GALNT18: variants seen among roughly 807,000 people sequenced by gnomAD.
GALNT18 encodes the protein polypeptide N-acetylgalactosaminyltransferase 18.
Under a neutral mutation model 69.5 loss-of-function variants are expected in GALNT18, and 44 were observed. That is an observed-to-expected ratio of 0.63 (90% CI 0.50 to 0.81). GALNT18 has a LOEUF of 0.81. Ranked by LOEUF, GALNT18 falls within the 40% of genes least tolerant of loss-of-function variation. The probability of loss-of-function intolerance (pLI) is 0.00; values close to 1 mark genes in which losing one functional copy is unlikely to be tolerated. For synonymous variants in GALNT18, 364 were observed against 318.2 expected, an observed-to-expected ratio of 1.14 and a Z score of -1.53; for missense variants, 715 against 810.0, an observed-to-expected ratio of 0.88 and a Z score of 1.42.
chr11:11,557,266 TGGTG>T (rs1858354149), intron 1 of GALNT18, among the ~76,000 whole-genome samples: 1 of 152,294 alleles, frequency 6.6e-6, no homozygotes, highest in African/African-American at 2.4e-5. Flanking sequence ...TAAATGGTTA[TGGTG>T]GGTTTTTTAT....
In GALNT18 at chr11:11,383,276, T is replaced by C. The variant is rs997413174; in HGVS notation, c.596-4012A>G. ...CCTGGTCAAACAGAGCCCTTCTCCC[T>C]TCCTCATCTACCCCCTTCCACTGCT... On this transcript the variant is annotated intron_variant, in intron 3 of 10. Transcript: ENST00000227756. This position sits in a 1 kb window ranked among gnomAD's most constrained non-coding sequence, Gnocchi z 5.2. Among the ~76,000 whole-genome samples the C allele has an allele frequency of 6.6e-6, 1 of 152,190 alleles. No homozygotes were observed. The highest frequency in any genetic ancestry group is 2.4e-5 in the African/African-American group (1 of 41,454).
intron 6 of GALNT18, among the ~76,000 whole-genome samples, chr11:11,363,112 CT>C (rs2133082926): frequency 6.6e-6 from 1 of 152,076 alleles, no homozygotes; most frequent in African/African-American, 2.4e-5. Context: ...ATTTTCTTGC[CT>C]TTTTTCAAAG....
At chr11:11,378,746 AC>A (rs1853836213) in intron 4 of GALNT18, among the ~76,000 whole-genome samples, 1 of 151,800 alleles carries the variant, frequency 6.6e-6, no homozygotes, top group Non-Finnish European at 1.5e-5. Flanking sequence ...AGGTGTGGGA[AC>A]CCTGTCCTTA....
At chr11:11,610,055 C>T (rs972425314) in intron 1 of GALNT18, among the ~76,000 whole-genome samples, 9 of 152,148 alleles carry the variant, frequency 5.9e-5, no homozygotes, top group Non-Finnish European at 1.3e-4. Context: ...TCTCAGTCTT[C>T]CAGAGAGCTG....
In GALNT18 at chr11:11,432,986, C is replaced by G. The variant is rs1017419409; in HGVS notation, c.429-199G>C. Among the ~76,000 whole-genome samples, 6 of 152,206 alleles carry G rather than the reference C, an allele frequency of 3.9e-5. No homozygotes were observed. The highest frequency in any genetic ancestry group is 1.4e-4 in the African/African-American group (6 of 41,454). On this transcript the variant is annotated intron_variant, in intron 2 of 10. Transcript: ENST00000227756. This position sits in a 1 kb window ranked among gnomAD's most constrained non-coding sequence, Gnocchi z 5.8. ...CACAAGCATTGAAACCAGTTCACCC[C>G]ACACCTGAGTTGAAGTTGTCAGTGA...
At position 11,461,827 on chromosome 11, in the gene GALNT18, G is replaced by A. The variant is rs1481686427; in HGVS notation, c.236-12891C>T. On this transcript the variant is annotated intron_variant, in intron 1 of 10. Transcript: ENST00000227756. The surrounding 1 kb of genome is among the most constrained non-coding windows in gnomAD (Gnocchi z 4.1). ...CCTGCAGCCCAGAACAATGCCAGACGCCATGACTCCTTTCAAGGCTCTGCT... is the reference window on the plus strand; with the variant it reads ...CCTGCAGCCCAGAACAATGCCAGACACCATGACTCCTTTCAAGGCTCTGCT... 1.3e-5 allele frequency among the ~76,000 whole-genome samples: 2 copies of A among 152,332 alleles called. No homozygotes were observed. The highest frequency in any genetic ancestry group is 2.1e-4 in the South Asian group (1 of 4,832).
rs78304828 is a variant in GALNT18 at position 11,415,386 on chromosome 11, A to T, written c.595+17235T>A. ...TCTGCCCACACAGTGATCAATAAAT[A>T]GTTGCCGAATGAGAAAATAACGTGT... On this transcript the variant is annotated intron_variant, in intron 3 of 10. Transcript: ENST00000227756. The surrounding 1 kb of genome is among the most constrained non-coding windows in gnomAD (Gnocchi z 4.1). Among the ~76,000 whole-genome samples, 3,112 of 152,294 alleles carry T rather than the reference A, an allele frequency of 0.02. 96 individuals are homozygous for T. Among genetic ancestry groups the T allele is most frequent in the African/African-American group, 0.071 (2,969 of 41,542 alleles).
At chr11:11,350,462 T>C (rs2133065870) in intron 6 of GALNT18, among the ~76,000 whole-genome samples, 1 of 152,306 alleles carries the variant, frequency 6.6e-6, no homozygotes, top group East Asian at 1.9e-4. Flanking sequence ...ATTACTATTG[T>C]TCAAACTCAG....
At chr11:11,580,167 G>A (rs1441863122) in intron 1 of GALNT18, among the ~76,000 whole-genome samples, 1 of 152,200 alleles carries the variant, frequency 6.6e-6, no homozygotes, top group African/African-American at 2.4e-5. Flanking sequence ...TCACCATTGT[G>A]ACCTTTGGCC....
At position 11,584,740 on chromosome 11, in the gene GALNT18, T is replaced by A. The variant is rs1859172624; in HGVS notation, c.235+36619A>T. The stretch of plus-strand genomic sequence containing the variant: ...AGGTTGTCTCAAGAGAAAGAGCTTA[T>A]ACAATCGAGGTGGACAATGAACTAC... On this transcript the variant is annotated intron_variant, in intron 1 of 10. Transcript: ENST00000227756. The surrounding 1 kb of genome is among the most constrained non-coding windows in gnomAD (Gnocchi z 4.1). 6.6e-6 allele frequency among the ~76,000 whole-genome samples: 1 copy of A among 152,216 alleles called. No homozygotes were observed. Among genetic ancestry groups the A allele is most frequent in the Admixed American group, 6.5e-5 (1 of 15,288 alleles).
intron 6 of GALNT18, among the ~76,000 whole-genome samples, chr11:11,355,771 T>C (rs909671013): frequency 2.0e-5 from 3 of 152,124 alleles, no homozygotes; most frequent in Non-Finnish European, 4.4e-5. Context: ...ATGTGCAGCA[T>C]TTGAAGCAGG....
chr11:11,517,714 T>A (rs1250903549), intron 1 of GALNT18, among the ~76,000 whole-genome samples: 2 of 152,112 alleles, frequency 1.3e-5, no homozygotes, highest in African/African-American at 4.8e-5. Context: ...CCTGCCACAG[T>A]GCTCAGTCCC....
intron 1 of GALNT18, among the ~76,000 whole-genome samples, chr11:11,484,593 CAAA>C (rs1159968814): frequency 0.12 from 9,596 of 82,806 alleles, 342 homozygotes; most frequent in Middle Eastern, 0.21. Flanking sequence ...AACTCCATCT[CAAA>C]AAAAAAAAAA....
At chr11:11,483,395 A>C (rs1474534183) in intron 1 of GALNT18, among the ~76,000 whole-genome samples, 2 of 152,146 alleles carry the variant, frequency 1.3e-5, no homozygotes, top group East Asian at 1.9e-4. Flanking sequence ...AAGTCTCCTC[A>C]TCACATGGGG....
chr11:11,462,896 G>T (rs1856076848), intron 1 of GALNT18, among the ~76,000 whole-genome samples: 1 of 152,104 alleles, frequency 6.6e-6, no homozygotes, highest in African/African-American at 2.4e-5. Flanking sequence ...AAGGCAATCT[G>T]CTCAAAGAAC....
chr11:11,485,100 T>C (rs1856615774), intron 1 of GALNT18, among the ~76,000 whole-genome samples: 2 of 152,346 alleles, frequency 1.3e-5, no homozygotes, highest in South Asian at 4.1e-4. Context: ...ACATGTTTAT[T>C]AGGTTAATGG....
At chr11:11,393,760 G>A (rs975556904) in intron 3 of GALNT18, among the ~76,000 whole-genome samples, 10 of 152,196 alleles carry the variant, frequency 6.6e-5, no homozygotes, top group African/African-American at 1.2e-4. Context: ...TTCTCACTGC[G>A]CCTTTCAGCA....
intron 1 of GALNT18, among the ~76,000 whole-genome samples, chr11:11,559,331 G>A (rs1858407511): frequency 6.6e-6 from 1 of 152,210 alleles, no homozygotes; most frequent in Admixed American, 6.5e-5. Context: ...TGGGGGAAAG[G>A]GGAGAAGGGT....
At chr11:11,352,675 T>A in intron 6 of GALNT18, 1 of 1,613,452 alleles carries the variant, frequency 6.2e-7, no homozygotes, top group Non-Finnish European at 8.5e-7. Context: ...ATTCCCATGC[T>A]GTGACAATAA....
Sources: allele counts gnomAD v4.1 joint callset (sites outside exome capture counted in the v4.1 genomes callset), GRCh38; gene constraint gnomAD v4.1.1; non-coding constraint Gnocchi (gnomAD v3.1); transcripts MANE v1.5; gene names NCBI Gene and HGNC (gene_info 2026-07-23, HGNC 2026-07-21).